MSRA: variants seen among roughly 807,000 people sequenced by gnomAD.
MSRA encodes the protein mitochondrial peptide methionine sulfoxide reductase.
MSRA carries 54 observed loss-of-function variants against 31.3 expected under a neutral mutation model. The ratio of observed to expected loss-of-function variants is 1.73; its 90% CI spans 1.39 to 2.17. The LOEUF (loss-of-function observed/expected upper bound fraction) is 2.17. Among genes scored for constraint, MSRA ranks in the 30% most tolerant of loss-of-function variants. MSRA has a pLI of 0.00. For synonymous variants in MSRA, 169 were observed against 116.5 expected (o/e 1.45, Z -2.90); for missense variants, 507 against 300.9 (o/e 1.69, Z -5.07).
chr8:10,362,816 A>G (rs1299195066), intron 5 of MSRA, among the ~76,000 whole-genome samples: 2 of 151,652 alleles, frequency 1.3e-5, no homozygotes, highest in African/African-American at 4.8e-5. Flanking sequence ...TTCAAACGCA[A>G]CTGCCCGCGC....
intron 3 of MSRA, among the ~76,000 whole-genome samples, chr8:10,285,060 A>G (rs566343076): frequency 1.3e-3 from 201 of 151,202 alleles, no homozygotes; most frequent in African/African-American, 4.6e-3. Context: ...TACACATAAC[A>G]TAAAAATTAC....
chr8:10,217,523 T>G (rs912846474), intron 2 of MSRA, among the ~76,000 whole-genome samples: 6 of 152,224 alleles, frequency 3.9e-5, no homozygotes, highest in African/African-American at 1.4e-4. Context: ...AGGTATTTGT[T>G]TTTTACTTTG....
At chr8:10,320,025 C>G (rs1471889997) in intron 5 of MSRA, 36 bp downstream of exon 5, 2 of 1,408,680 alleles carry the variant, frequency 1.4e-6, no homozygotes, top group South Asian at 2.6e-5. Context: ...CTGGCTTAGG[C>G]CACCATGACT....
chr8:10,165,164 C>T (rs1585072068), intron 1 of MSRA, among the ~76,000 whole-genome samples: 2 of 152,276 alleles, frequency 1.3e-5, no homozygotes, highest in South Asian at 4.2e-4. Flanking sequence ...AAGATCAGCT[C>T]TTAGAAGAAT....
intron 1 of MSRA, among the ~76,000 whole-genome samples, chr8:10,157,522 T>G (rs1230506445): frequency 6.6e-6 from 1 of 151,966 alleles, no homozygotes; most frequent in East Asian, 1.9e-4. Flanking sequence ...CTTGGGATAG[T>G]GGGAGGTGGC....
intron 2 of MSRA, among the ~76,000 whole-genome samples, chr8:10,218,893 G>A (rs987571856): frequency 2.6e-5 from 4 of 152,222 alleles, no homozygotes; most frequent in African/African-American, 9.6e-5. Flanking sequence ...ACAGATTTGA[G>A]TAAAGCAAGA....
At position 10,416,664 on chromosome 8, in the gene MSRA, G is replaced by C. The variant is rs114498604; in HGVS notation, c.544-11484G>C. ...CTTCAAAAGGAGGGTGAGGGAGTTG[G>C]AGAGCACTTGTGCCGTTGACCACAC... is the stretch of plus-strand genomic sequence containing the variant. On this transcript the variant is annotated intron_variant, in intron 5 of 5. Transcript: ENST00000317173. Among the ~76,000 whole-genome samples, 269 of 152,364 alleles carry C rather than the reference G, an allele frequency of 1.8e-3. 5 individuals carry two copies. Among genetic ancestry groups the C allele is most frequent in the African/African-American group, 6.1e-3 (255 of 41,588 alleles).
chr8:10,415,865 C>T (rs1004464578), intron 5 of MSRA, among the ~76,000 whole-genome samples: 3 of 152,018 alleles, frequency 2.0e-5, no homozygotes, highest in Admixed American at 6.6e-5. Context: ...CCCACCTCCT[C>T]CTGCAATTTC....
chr8:10,304,038 C>T (rs1800993941), intron 4 of MSRA, among the ~76,000 whole-genome samples: 2 of 152,208 alleles, frequency 1.3e-5, no homozygotes, highest in African/African-American at 4.8e-5. Flanking sequence ...CAGGTGCAAG[C>T]AGTTCCCCTG....
At chr8:10,343,617 T>G (rs1563373688) in intron 5 of MSRA, among the ~76,000 whole-genome samples, 1 of 152,184 alleles carries the variant, frequency 6.6e-6, no homozygotes, top group East Asian at 1.9e-4. Flanking sequence ...GGTAACCCAG[T>G]GCTCCTTATT....
chr8:10,063,681 C>G (rs553217298), intron 1 of MSRA, among the ~76,000 whole-genome samples: 1 of 152,138 alleles, frequency 6.6e-6, no homozygotes, highest in African/African-American at 2.4e-5. Context: ...CTAGTCTTTT[C>G]GGCCATGTGA....
At chr8:10,290,799 T>C (rs556646575) in intron 3 of MSRA, among the ~76,000 whole-genome samples, 1 of 152,356 alleles carries the variant, frequency 6.6e-6, no homozygotes, top group South Asian at 2.1e-4. Flanking sequence ...CCCTTGTTAA[T>C]ATTAAAAGGC....
intron 2 of MSRA, among the ~76,000 whole-genome samples, chr8:10,227,388 G>C (rs1811089907): frequency 6.6e-6 from 1 of 152,162 alleles, no homozygotes; most frequent in Non-Finnish European, 1.5e-5. Flanking sequence ...AGGGGAATGG[G>C]CTACTTCAAG....
At chr8:10,078,279 C>G (rs1010648763) in intron 1 of MSRA, among the ~76,000 whole-genome samples, 1 of 152,202 alleles carries the variant, frequency 6.6e-6, no homozygotes, top group Non-Finnish European at 1.5e-5. Flanking sequence ...AGTTTGCTAT[C>G]GAGTGTAATA....
At chr8:10,318,219 T>G (rs916229609) in intron 4 of MSRA, among the ~76,000 whole-genome samples, 29 of 152,240 alleles carry the variant, frequency 1.9e-4, no homozygotes, top group Admixed American at 1.4e-3. Context: ...ACCTGCTATG[T>G]GACCTCAGGT....
At chr8:10,236,585 C>G (rs761175540) in intron 2 of MSRA, among the ~76,000 whole-genome samples, 19 of 152,222 alleles carry the variant, frequency 1.2e-4, no homozygotes, top group Non-Finnish European at 2.5e-4. Context: ...CACTCGCTCA[C>G]TCAAGCTAGA....
intron 5 of MSRA, chr8:10,353,663 G>T (rs1250914295): frequency 2.2e-6 from 1 of 456,284 alleles, no homozygotes; most frequent in Non-Finnish European, 4.4e-6. Context: ...CTGGGCTGCA[G>T]ACGGAGGGAA....
At chr8:10,095,660 C>G in intron 1 of MSRA, 2 of 1,001,414 alleles carry the variant, frequency 2.0e-6, no homozygotes, top group Non-Finnish European at 2.4e-6. Context: ...TGTCTGCTTT[C>G]TCGGCTTGAG....
intron 2 of MSRA, among the ~76,000 whole-genome samples, chr8:10,241,165 G>A (rs1016624202): frequency 6.6e-6 from 1 of 152,142 alleles, no homozygotes; most frequent in Non-Finnish European, 1.5e-5. Flanking sequence ...GCACTGTGCA[G>A]TGTGCTTCAT....
Sources: allele counts gnomAD v4.1 joint callset (sites outside exome capture counted in the v4.1 genomes callset), GRCh38; gene constraint gnomAD v4.1.1; transcripts MANE v1.5; gene names NCBI Gene and HGNC (gene_info 2026-07-23, HGNC 2026-07-21).